The following CFAP95 variants were observed in gnomAD, a reference collection of about 807,000 sequenced individuals.
The protein encoded by CFAP95 is cilia- and flagella-associated protein 95.
At chr9:69,890,473 T>C in the CFAP95 span, among the ~76,000 whole-genome samples, 1 of 152,260 alleles carries the variant, frequency 6.6e-6, no homozygotes, top group South Asian at 2.1e-4. Flanking sequence ...CATGACATTG[T>C]TATTGGATAC....
chr9:69,897,214 A>G, the CFAP95 span, among the ~76,000 whole-genome samples: 1 of 152,268 alleles, frequency 6.6e-6, no homozygotes, highest in African/African-American at 2.4e-5. Flanking sequence ...ACATTCACAT[A>G]AATAAGCTTA....
chr9:69,875,376 C>T, the CFAP95 span, among the ~76,000 whole-genome samples: 1 of 152,142 alleles, frequency 6.6e-6, no homozygotes, highest in Non-Finnish European at 1.5e-5. Flanking sequence ...ATTTACTTTG[C>T]ATACTCAGTG....
At chr9:69,856,649 C>T in the CFAP95 span, 1 of 1,610,878 alleles carries the variant, frequency 6.2e-7, no homozygotes, top group Non-Finnish European at 8.5e-7. Context: ...AATGAGGAAA[C>T]AGTGAGCTCC....
chr9:69,833,498 G>C, the CFAP95 span, among the ~76,000 whole-genome samples: 1 of 152,098 alleles, frequency 6.6e-6, no homozygotes, highest in Non-Finnish European at 1.5e-5. Context: ...ATTGCACCTG[G>C]CCAAAATATA....
the CFAP95 span, chr9:69,902,430 AT>A: frequency 2.5e-6 from 1 of 407,392 alleles, no homozygotes; most frequent in Non-Finnish European, 4.8e-6. Context: ...CAAAAATCCT[AT>A]TTTGTATGTT....
At chr9:69,827,213 C>T in the CFAP95 span, among the ~76,000 whole-genome samples, 1 of 152,096 alleles carries the variant, frequency 6.6e-6, no homozygotes, top group African/African-American at 2.4e-5. Flanking sequence ...ATTTTTATTT[C>T]TCAATTTATA....
chr9:69,900,606 C>T, the CFAP95 span, among the ~76,000 whole-genome samples: 13 of 152,210 alleles, frequency 8.5e-5, no homozygotes, highest in African/African-American at 3.1e-4. Flanking sequence ...CCCATAGACA[C>T]TGTACACCCC....
the CFAP95 span, among the ~76,000 whole-genome samples, chr9:69,841,250 C>T: frequency 2.1e-5 from 3 of 141,344 alleles, no homozygotes; most frequent in South Asian, 4.5e-4. Flanking sequence ...GGGCCCTGGG[C>T]CTTCTTCAGT....
At chr9:69,836,437 A>G in the CFAP95 span, among the ~76,000 whole-genome samples, 5 of 152,248 alleles carry the variant, frequency 3.3e-5, no homozygotes, top group East Asian at 9.7e-4. Flanking sequence ...AGTATACGCA[A>G]CAATGTCTCC....
the CFAP95 span, among the ~76,000 whole-genome samples, chr9:69,826,691 C>T: frequency 6.6e-6 from 1 of 152,006 alleles, no homozygotes; most frequent in African/African-American, 2.4e-5. Context: ...GCAAACAGCA[C>T]AAAATTTGAC....
At chr9:69,832,246 C>A in the CFAP95 span, among the ~76,000 whole-genome samples, 4 of 143,508 alleles carry the variant, frequency 2.8e-5, no homozygotes, top group East Asian at 8.4e-4. Flanking sequence ...CCCACCCAGA[C>A]CTCTAACAAA....
At chr9:69,871,229 A>AAAT in the CFAP95 span, among the ~76,000 whole-genome samples, 6 of 151,866 alleles carry the variant, frequency 4.0e-5, no homozygotes, top group African/African-American at 1.5e-4. Flanking sequence ...AATAAAAATA[A>AAAT]AATAATAATA....
At chr9:69,903,007 T>A in the CFAP95 span, among the ~76,000 whole-genome samples, 5 of 152,198 alleles carry the variant, frequency 3.3e-5, no homozygotes, top group African/African-American at 1.2e-4. Context: ...TTTAATAAGA[T>A]GTACAAAATC....
the CFAP95 span, chr9:69,858,043 G>T: frequency 6.7e-7 from 1 of 1,497,166 alleles, no homozygotes. Flanking sequence ...TTGTTTGCAG[G>T]GGCAAAGGTA....
the CFAP95 span, among the ~76,000 whole-genome samples, chr9:69,861,140 A>C: frequency 4.6e-5 from 7 of 152,340 alleles, 2 homozygotes; most frequent in Admixed American, 4.6e-4. Flanking sequence ...TCTTGTTGAC[A>C]CTAGCATCAC....
chr9:69,902,030 T>TC, the CFAP95 span, among the ~76,000 whole-genome samples: 1 of 152,214 alleles, frequency 6.6e-6, no homozygotes, highest in East Asian at 1.9e-4. Context: ...TGGGAAAAAA[T>TC]TTTTGCAATC....
the CFAP95 span, among the ~76,000 whole-genome samples, chr9:69,852,569 A>G: frequency 6.6e-6 from 1 of 152,086 alleles, no homozygotes; most frequent in East Asian, 1.9e-4. Flanking sequence ...TGGGGCCTCA[A>G]TGATACCACC....
the CFAP95 span, chr9:69,905,809 A>T: frequency 5.3e-6 from 3 of 568,194 alleles, no homozygotes; most frequent in Admixed American, 8.2e-5. Context: ...TAACTGAAAC[A>T]TTTGCTATTT....
At chr9:69,864,189 CATA>C in the CFAP95 span, among the ~76,000 whole-genome samples, 1 of 152,070 alleles carries the variant, frequency 6.6e-6, no homozygotes. Context: ...GTTGAAATTT[CATA>C]ATAAATGACT....
Sources: allele counts gnomAD v4.1 joint callset (sites outside exome capture counted in the v4.1 genomes callset), GRCh38; gene constraint gnomAD v4.1.1; transcripts MANE v1.5; gene names NCBI Gene and HGNC (gene_info 2026-07-23, HGNC 2026-07-21).